EFCAB6: variants seen among roughly 807,000 people sequenced by gnomAD.
EFCAB6 encodes the protein EF-hand calcium binding domain 6, also known as EF-hand calcium-binding domain-containing protein 6.
In EFCAB6, 156 loss-of-function variants were observed where a neutral mutation model predicts 169.8. The observed-to-expected ratio is 0.92, with a 90% confidence interval of 0.81 to 1.05. The LOEUF (loss-of-function observed/expected upper bound fraction) is 1.05. EFCAB6 is among the 50% of genes least tolerant of loss of function. EFCAB6 has a pLI of 0.00. For missense variants in EFCAB6, 1,800 were observed against 1,829.1 expected, an observed-to-expected ratio of 0.98 and a Z score of 0.29; for synonymous variants, 698 against 676.4, an observed-to-expected ratio of 1.03 and a Z score of -0.50.
chr22:43,736,294 T>G (rs1207402431), intron 6 of EFCAB6, among the ~76,000 whole-genome samples: 3 of 152,236 alleles, frequency 2.0e-5, no homozygotes. Context: ...TGAAAAAATC[T>G]TTTTTGTTAA....
At chr22:43,794,900 ACAATTTAGCCAGTCATCTGAATT>A (rs1475679011) in intron 2 of EFCAB6, among the ~76,000 whole-genome samples, 1 of 152,234 alleles carries the variant, frequency 6.6e-6, no homozygotes, top group Non-Finnish European at 1.5e-5. Context: ...ATCACAAAAA[ACAATTTAGCCAGTCATCTGAATT>A]CAATTTAGCA....
intron 10 of EFCAB6, among the ~76,000 whole-genome samples, chr22:43,689,349 G>GCACACACACACACACACACA (rs3221390): frequency 1.3e-3 from 193 of 147,060 alleles, no homozygotes; most frequent in African/African-American, 2.0e-3. Flanking sequence ...GAGAGCACGT[G>GCACACACACACACACACACA]CACACACACA....
intron 21 of EFCAB6, among the ~76,000 whole-genome samples, chr22:43,611,638 A>C (rs894720177): frequency 6.6e-6 from 1 of 152,062 alleles, no homozygotes; most frequent in African/African-American, 2.4e-5. Flanking sequence ...CTCCACAAAA[A>C]ATACCAAAAA....
chr22:43,540,542 C>T, intron 27 of EFCAB6, 185 bp from the exon 28 acceptor site: 1 of 1,524,330 alleles, frequency 6.6e-7, no homozygotes. Context: ...CTCAGGAAGA[C>T]TCTGGAAAAG....
intron 17 of EFCAB6, among the ~76,000 whole-genome samples, chr22:43,652,039 GTTAAGAC>G (rs1047582520): frequency 2.2e-4 from 33 of 152,190 alleles, no homozygotes; most frequent in Non-Finnish European, 1.2e-4. Context: ...GCTGAAATGA[GTTAAGAC>G]TTTGGGGGAC....
At chr22:43,738,591 A>T (rs2060255761) in intron 6 of EFCAB6, among the ~76,000 whole-genome samples, 1 of 151,926 alleles carries the variant, frequency 6.6e-6, no homozygotes, top group South Asian at 2.1e-4. Flanking sequence ...TCACACACAC[A>T]CCATCACTCA....
At chr22:43,540,575 G>A (rs1446348193) in intron 27 of EFCAB6, 3 of 1,490,250 alleles carry the variant, frequency 2.0e-6, no homozygotes, top group Admixed American at 2.2e-5. Flanking sequence ...GATTATTCAT[G>A]GCTTCTGCAG....
intron 23 of EFCAB6, among the ~76,000 whole-genome samples, chr22:43,595,276 A>C (rs756956128): frequency 3.3e-5 from 5 of 152,124 alleles, no homozygotes; most frequent in Admixed American, 6.5e-5. Context: ...ATAAAATCAG[A>C]GCATAAATAA....
chr22:43,683,884 A>C, intron 11 of EFCAB6, 29 bp from the exon 12 acceptor site: 1 of 1,523,988 alleles, frequency 6.6e-7, no homozygotes, highest in Non-Finnish European at 9.1e-7. Flanking sequence ...AAAAGCAGGA[A>C]TAAGATTATG....
chr22:43,759,201 T>C (rs895271049), intron 5 of EFCAB6: 25 of 152,280 alleles, frequency 1.6e-4, no homozygotes, highest in African/African-American at 5.5e-4. Flanking sequence ...TAATGCTCTG[T>C]TGATGCTGTT....
At position 43,626,565 on chromosome 22, in the gene EFCAB6, C is replaced by G. The variant is rs1321744974; in HGVS notation, c.2347G>C (p.Glu783Gln). The G allele has an allele frequency of 6.2e-7, 1 of 1,614,190 alleles. No homozygotes were observed. The highest frequency in any genetic ancestry group is 2.2e-5 in the East Asian group (1 of 44,888). ...LLLNLKDDEF[E>Q]RFLGLLGLRL... is the part of the protein sequence containing the mutation. The stretch of plus-strand genomic sequence containing the variant: ...AAGCCAAGAAGGCCAAGGAAGCGCT[C>G]AAACTCGTCGTCTTTGAGATTAAGC... Residue 783 changes from glutamate (E) to glutamine (Q), a missense_variant, in exon 20 of 32, where the codon GAG (glutamate) becomes CAG (glutamine). Coordinates refer to ENST00000262726, the MANE Select transcript of EFCAB6 (RefSeq NM_022785.4).
chr22:43,598,433 A>G (rs1244983888), intron 23 of EFCAB6, among the ~76,000 whole-genome samples: 2 of 151,850 alleles, frequency 1.3e-5, no homozygotes, highest in Non-Finnish European at 2.9e-5. Context: ...GGGGGAAGAT[A>G]AGAGAAGTTG....
intron 10 of EFCAB6, among the ~76,000 whole-genome samples, chr22:43,705,907 T>C (rs981895479): frequency 2.6e-5 from 4 of 151,882 alleles, no homozygotes; most frequent in Non-Finnish European, 4.4e-5. Context: ...ATAAGATACA[T>C]AGAGACTAGG....
chr22:43,687,470 C>G lies in EFCAB6; in HGVS notation c.1142+1G>C, dbSNP rs767874891. On this transcript the variant is annotated splice_donor_variant, in intron 11 of 31. Coordinates refer to ENST00000262726, the MANE Select transcript of EFCAB6 (RefSeq NM_022785.4). LOFTEE classifies it high-confidence loss of function. ...TTGTTTTTTTTTTTTTTTTTACATA[C>G]CTATTTCTTTTTGTCAGGGGACCTT... 2 of 934,630 alleles carry G rather than the reference C, an allele frequency of 2.1e-6. No individual in the cohort carries two copies. The highest frequency in any genetic ancestry group is 3.0e-6 in the Non-Finnish European group (2 of 657,264). 57.9% of individuals were successfully genotyped at this position (934,630 alleles called of 1,614,324 possible). A position where few individuals can be genotyped will look rare whatever the true frequency, so the allele number is the denominator to read the frequency against.
At chr22:43,529,555 C>G (rs1291080754) in intron 31 of EFCAB6, among the ~76,000 whole-genome samples, 1 of 152,226 alleles carries the variant, frequency 6.6e-6, no homozygotes, top group Non-Finnish European at 1.5e-5. Context: ...ATGTTCTGGC[C>G]TGAGAAGCTA....
chr22:43,799,329 C>CCACACA (rs112231545), intron 2 of EFCAB6, among the ~76,000 whole-genome samples: 4,945 of 146,616 alleles, frequency 0.034, 91 homozygotes, highest in African/African-American at 0.039. Context: ...GAATCTGTCT[C>CCACACA]CACACACACA....
intron 26 of EFCAB6, among the ~76,000 whole-genome samples, chr22:43,557,153 C>T (rs566862178): frequency 6.6e-6 from 1 of 152,270 alleles, no homozygotes; most frequent in South Asian, 2.1e-4. Context: ...CTAGACTCTG[C>T]CCCTACCCGG....
At chr22:43,549,561 A>T (rs2048266090) in intron 27 of EFCAB6, among the ~76,000 whole-genome samples, 1 of 152,230 alleles carries the variant, frequency 6.6e-6, no homozygotes, top group Non-Finnish European at 1.5e-5. Context: ...CCTATAAAGC[A>T]AATGCTGGGC....
intron 10 of EFCAB6, among the ~76,000 whole-genome samples, chr22:43,698,907 T>C (rs2058672045): frequency 6.6e-6 from 1 of 152,216 alleles, no homozygotes; most frequent in Non-Finnish European, 1.5e-5. Context: ...GTGGTTTCTC[T>C]TTTTCTATTC....
Sources: allele counts gnomAD v4.1 joint callset (sites outside exome capture counted in the v4.1 genomes callset), GRCh38; gene constraint gnomAD v4.1.1; transcripts MANE v1.5; gene names NCBI Gene and HGNC (gene_info 2026-07-23, HGNC 2026-07-21).